The following CAPN2 variants were observed in gnomAD, a reference collection of about 807,000 sequenced individuals.
CAPN2 encodes calpain 2.
Under a neutral mutation model 102.3 loss-of-function variants are expected in CAPN2, and 92 were observed. The ratio of observed to expected loss-of-function variants is 0.90; its 90% CI spans 0.76 to 1.07. The LOEUF is 1.07. CAPN2 is among the 50% of genes least tolerant of loss of function. The pLI is 0.00. For synonymous variants in CAPN2, 340 were observed against 355.4 expected (o/e 0.96, Z 0.49); for missense variants, 800 against 909.4 (o/e 0.88, Z 1.55).
At chr1:223,752,666 G>A in intron 8 of CAPN2, 130 bp from the exon 9 acceptor site, 1 of 735,426 alleles carries the variant, frequency 1.4e-6, no homozygotes, top group Non-Finnish European at 2.2e-6. Context: ...TGAACCTGGT[G>A]CCCATCCACT....
intron 2 of CAPN2, among the ~76,000 whole-genome samples, chr1:223,736,878 CA>C (rs1053184003): frequency 2.6e-5 from 4 of 151,830 alleles, no homozygotes; most frequent in African/African-American, 4.8e-5. Flanking sequence ...GACACCTCTA[CA>C]AAAAAAGTTT....
At position 223,759,173 on chromosome 1, in the gene CAPN2, C is replaced by A. The variant is rs763022627; in HGVS notation, c.1318-97C>A. 2 of 1,182,438 alleles carry A rather than the reference C, an allele frequency of 1.7e-6. No homozygotes were observed. Among genetic ancestry groups the A allele is most frequent in the South Asian group, 2.6e-5 (2 of 77,936 alleles). The allele number at this position is 1,182,438 out of a possible 1,614,324, so 73.2% of individuals were successfully genotyped here. A position where few individuals can be genotyped will look rare whatever the true frequency, so the allele number is the denominator to read the frequency against. On this transcript the variant is annotated intron_variant, in intron 11 of 20. Coordinates refer to ENST00000295006, the MANE Select transcript of CAPN2 (RefSeq NM_001748.5). The surrounding 1 kb of genome is among the most constrained non-coding windows in gnomAD (Gnocchi z 4.6). The stretch of plus-strand genomic sequence containing the variant: ...ACACCAGGACAGCAGGACTGAGCCA[C>A]CACACTACCCAACTGCTTTTATCTC...
chr1:223,735,312 G>C (rs932438447), intron 2 of CAPN2, among the ~76,000 whole-genome samples: 1 of 152,124 alleles, frequency 6.6e-6, no homozygotes, highest in African/African-American at 2.4e-5. Context: ...TGGATCACCT[G>C]AGGTCAGGAG....
intron 11 of CAPN2, chr1:223,757,673 A>C (rs1449811154): frequency 2.0e-6 from 1 of 489,858 alleles, no homozygotes; most frequent in Non-Finnish European, 3.6e-6. Context: ...AGACTGCAGG[A>C]GGCTTTTCAC....
In CAPN2 at chr1:223,749,023, G is replaced by A. The variant is rs1421189081; in HGVS notation, c.730-16G>A. 1 of 1,611,798 alleles carries A rather than the reference G, an allele frequency of 6.2e-7. No individual in the cohort carries two copies. Among genetic ancestry groups the A allele is most frequent in the South Asian group, 1.1e-5 (1 of 91,028 alleles). ...GAGAGCGGGTGCGGCCAGTCTGACG[G>A]TTGCTGTGTTTGCAGATCACCAGCG... On this transcript the variant is annotated splice_polypyrimidine_tract_variant and intron_variant, in intron 5 of 20. Transcript: ENST00000295006.
intron 2 of CAPN2, among the ~76,000 whole-genome samples, chr1:223,736,107 A>G (rs1392104977): frequency 2.6e-5 from 4 of 152,128 alleles, no homozygotes; most frequent in Non-Finnish European, 5.9e-5. Flanking sequence ...CCAAGTGACC[A>G]GCACCCCTGC....
intron 18 of CAPN2, 170 bp from the exon 19 acceptor site, chr1:223,771,636 ACAG>A: frequency 1.6e-6 from 1 of 612,390 alleles, no homozygotes; most frequent in South Asian, 2.0e-5. Context: ...AACAAAAGAA[ACAG>A]CAGAAGGTAC....
chr1:223,766,542 A>G, intron 16 of CAPN2, 111 bp downstream of exon 16: 2 of 862,550 alleles, frequency 2.3e-6, no homozygotes, highest in South Asian at 2.9e-5. Context: ...GTTGTTCCCA[A>G]CTTGCTGAGT....
intron 14 of CAPN2, 124 bp downstream of exon 14, chr1:223,762,375 T>C (rs1286772273): frequency 1.7e-5 from 13 of 766,012 alleles, no homozygotes; most frequent in African/African-American, 1.5e-4. Flanking sequence ...CAAAGAGAAA[T>C]TGCAAATGGC....
At chr1:223,705,626 T>C (rs1659586138) in intron 1 of CAPN2, among the ~76,000 whole-genome samples, 1 of 152,212 alleles carries the variant, frequency 6.6e-6, no homozygotes, top group South Asian at 2.1e-4. Context: ...ATGGGAATTA[T>C]GGACGGGGCC....
At chr1:223,764,284 C>G (rs968610861) in intron 15 of CAPN2, 77 bp downstream of exon 15, 1 of 1,281,568 alleles carries the variant, frequency 7.8e-7, no homozygotes, top group Non-Finnish European at 1.1e-6. Context: ...ATCTTTCCCC[C>G]TCCATGTCTG....
chr1:223,737,624 TGAC>T (rs1660488655), intron 2 of CAPN2, among the ~76,000 whole-genome samples: 2 of 143,050 alleles, frequency 1.4e-5, no homozygotes, highest in Non-Finnish European at 3.0e-5. Flanking sequence ...AGCTTTACAG[TGAC>T]TTAGGCAGAA....
chr1:223,750,600 C>T (rs1410436241), intron 6 of CAPN2, among the ~76,000 whole-genome samples: 2 of 152,194 alleles, frequency 1.3e-5, no homozygotes, highest in Non-Finnish European at 2.9e-5. Flanking sequence ...CGCATCCTGT[C>T]AGTTAAGCTG....
At chr1:223,766,565 G>C (rs1042836343) in intron 16 of CAPN2, 134 bp downstream of exon 16, 37 of 714,712 alleles carry the variant, frequency 5.2e-5, no homozygotes, top group Admixed American at 4.1e-4. Context: ...CTGTCGGACA[G>C]TCAGCAGCGC....
upstream of CAPN2, chr1:223,712,432 C>T (rs903803630): frequency 1.8e-6 from 2 of 1,102,188 alleles, no homozygotes; most frequent in African/African-American, 1.7e-5. Context: ...CGCAGGATGG[C>T]CTGGTCCCGG....
In CAPN2 at chr1:223,759,227, G is replaced by C; in HGVS notation, c.1318-43G>C. 1 of 1,543,236 alleles carries C rather than the reference G, an allele frequency of 6.5e-7. No homozygotes were observed. Among genetic ancestry groups the C allele is most frequent in the South Asian group, 1.1e-5 (1 of 89,596 alleles). ...GAATGAAAATGATACTTGCCTGGAG[G>C]CTTCCCCTCATCTACCCCCATGTTT... On this transcript the variant is annotated intron_variant, in intron 11 of 20. Transcript: ENST00000295006. The surrounding 1 kb of genome is among the most constrained non-coding windows in gnomAD (Gnocchi z 4.6).
At chr1:223,750,092 TTC>T (rs1660849447) in intron 6 of CAPN2, among the ~76,000 whole-genome samples, 1 of 152,192 alleles carries the variant, frequency 6.6e-6, no homozygotes, top group Non-Finnish European at 1.5e-5. Flanking sequence ...ATGTCCAGTG[TTC>T]TTTTTTTAAC....
At chr1:223,750,867 C>T in intron 6 of CAPN2, 23 bp from the exon 7 acceptor site, 2 of 1,549,338 alleles carry the variant, frequency 1.3e-6, no homozygotes, top group Non-Finnish European at 1.7e-6. Context: ...CCTCTTACTC[C>T]TCCCTTTTAT....
chr1:223,717,791 TGGA>T lies in CAPN2; in HGVS notation c.272_274del (p.Gly91del), dbSNP rs1659918026. ...TCTGCGCTGACCCCCAGTTTATCAT[TGGA>T]GGAGCCACCCGCACAGACATCTGCC... On this transcript the variant is annotated inframe_deletion, in exon 2 of 21. Transcript: ENST00000295006. The T allele has an allele frequency of 1.2e-6, 2 of 1,614,094 alleles. No homozygotes were observed. The highest frequency in any genetic ancestry group is 1.3e-5 in the African/African-American group (1 of 75,024).
Sources: allele counts gnomAD v4.1 joint callset (sites outside exome capture counted in the v4.1 genomes callset), GRCh38; gene constraint gnomAD v4.1.1; non-coding constraint Gnocchi (gnomAD v3.1); transcripts MANE v1.5; gene names NCBI Gene and HGNC (gene_info 2026-07-23, HGNC 2026-07-21).